The following BIRC2 variants were observed in gnomAD, a reference collection of about 807,000 sequenced individuals.
BIRC2 encodes the protein baculoviral IAP repeat containing 2.
BIRC2 carries 18 observed loss-of-function variants against 60.9 expected under a neutral mutation model. That is an observed-to-expected ratio of 0.30 (90% CI 0.20 to 0.44). BIRC2 has a LOEUF of 0.44. Ranked by LOEUF, BIRC2 falls within the 20% of genes least tolerant of loss-of-function variation. The probability of loss-of-function intolerance (pLI) is 1.00; values close to 1 mark genes in which losing one functional copy is unlikely to be tolerated. For synonymous variants in BIRC2, 282 were observed against 247.7 expected (o/e 1.14, Z -1.30); for missense variants, 701 against 728.5 (o/e 0.96, Z 0.43).
chr11:102,375,860 G>T (rs576914686), intron 6 of BIRC2, among the ~76,000 whole-genome samples: 1 of 151,570 alleles, frequency 6.6e-6, no homozygotes, highest in African/African-American at 2.4e-5. Flanking sequence ...TTTCTCATCT[G>T]TAAAATGGGG....
chr11:102,367,765 A>C (rs559242163), intron 5 of BIRC2, among the ~76,000 whole-genome samples: 1 of 152,198 alleles, frequency 6.6e-6, no homozygotes, highest in South Asian at 2.1e-4. Context: ...TTTTCACTAC[A>C]TCTTCTGGGT....
At chr11:102,350,812 G>A in intron 2 of BIRC2, 32 bp from the exon 3 acceptor site, 2 of 1,610,814 alleles carry the variant, frequency 1.2e-6, no homozygotes, top group Non-Finnish European at 1.7e-6. Context: ...GAACATACGT[G>A]TTTTCAATAT....
At chr11:102,348,094 G>A (rs1392520473) in intron 1 of BIRC2, among the ~76,000 whole-genome samples, 5 of 152,176 alleles carry the variant, frequency 3.3e-5, no homozygotes, top group African/African-American at 7.2e-5. Context: ...AAATTGTAAG[G>A]GAATGGCAGA....
chr11:102,349,667 T>C lies in BIRC2; in HGVS notation c.-188T>C. On this transcript the variant is annotated 5_prime_UTR_variant, in exon 2 of 9. Transcript: ENST00000227758. ...CAACCCCAAAGAGTTGTGTTCTAAG[T>C]AGTATCTTGGTAATTCAGAGAGATA... 1 of 594,570 alleles carries C rather than the reference T, an allele frequency of 1.7e-6. No homozygotes were observed. The highest frequency in any genetic ancestry group is 2.5e-5 in the South Asian group (1 of 39,374). 36.8% of individuals were successfully genotyped at this position (594,570 alleles called of 1,614,324 possible).
At chr11:102,374,676 T>A (rs1357086129) in intron 6 of BIRC2, among the ~76,000 whole-genome samples, 2 of 152,158 alleles carry the variant, frequency 1.3e-5, no homozygotes, top group African/African-American at 4.8e-5. Context: ...CAGGCCTCCT[T>A]GAGCTGTGGT....
Position 102,368,363 on chromosome 11 carries a change from C to G in BIRC2, c.1181C>G (p.Pro394Arg), listed in dbSNP as rs1171110903. The change falls in exon 6 of 9, where the codon CCT becomes CGT. Residue 394 changes from proline to arginine, a missense_variant. Coordinates refer to ENST00000227758, the MANE Select transcript of BIRC2 (RefSeq NM_001166.5). ...SSEDAVMMNT[P>R]VVKSALEMGF... ...GAAGATGCTGTCATGATGAATACAC[C>G]TGTGGTTAAATCTGCCTTGGAAATG... The G allele has an allele frequency of 5.6e-6, 9 of 1,613,776 alleles. No individual in the cohort carries two copies. The highest frequency in any genetic ancestry group is 1.3e-5 in the African/African-American group (1 of 74,866).
intron 3 of BIRC2, among the ~76,000 whole-genome samples, chr11:102,360,477 A>G (rs1488997277): frequency 6.7e-6 from 1 of 150,310 alleles, no homozygotes; most frequent in Non-Finnish European, 1.5e-5. Flanking sequence ...CAGCTCCCGA[A>G]TTTGTTTCTT....
rs1490500781 is a variant in BIRC2, at chr11:102,370,486, T to C, written c.1366+1938T>C. On this transcript the variant is annotated intron_variant, in intron 6 of 8. Coordinates refer to ENST00000227758, the MANE Select transcript of BIRC2 (RefSeq NM_001166.5). Reference sequence around the variant, plus strand: ...AGATCAGATAGTTATAGATACGCGGTGTTATTTCTGAGGGCTCTGTTCTGT... The same window carrying C: ...AGATCAGATAGTTATAGATACGCGGCGTTATTTCTGAGGGCTCTGTTCTGT... 3.7e-3 allele frequency among the ~76,000 whole-genome samples: 529 copies of C among 143,898 alleles called. 1 individual carries two copies. The highest frequency in any genetic ancestry group is 0.014 in the African/African-American group (495 of 36,638). The allele number at this position is 143,898 out of a possible 152,430, so 94.4% of individuals were successfully genotyped here.
chr11:102,356,101 T>C (rs996083329), intron 3 of BIRC2, among the ~76,000 whole-genome samples: 20 of 152,190 alleles, frequency 1.3e-4, no homozygotes, highest in Admixed American at 2.6e-4. Flanking sequence ...TCTTGCTTAA[T>C]TGCTCTGGCT....
intron 3 of BIRC2, among the ~76,000 whole-genome samples, chr11:102,353,926 G>C (rs767511169): frequency 6.6e-6 from 1 of 151,988 alleles, no homozygotes; most frequent in Non-Finnish European, 1.5e-5. Flanking sequence ...TGGTATGCTC[G>C]GAGGACTGGT....
At chr11:102,361,296 G>A (rs1389141825) in intron 3 of BIRC2, among the ~76,000 whole-genome samples, 3 of 152,160 alleles carry the variant, frequency 2.0e-5, no homozygotes, top group African/African-American at 7.2e-5. Context: ...TTTGAGTTGG[G>A]TGCGGAGTGC....
chr11:102,364,186 C>CAGAG lies in BIRC2; in HGVS notation c.1123+497_1123+500dup, dbSNP rs56992401. 6.6e-4 allele frequency among the ~76,000 whole-genome samples: 66 copies of CAGAG among 99,764 alleles called. 1 individual carries two copies. Among genetic ancestry groups the CAGAG allele is most frequent in the East Asian group, 1.7e-3 (5 of 2,914 alleles). The allele number at this position is 99,764 out of a possible 152,430, so 65.4% of individuals were successfully genotyped here. A position where few individuals can be genotyped will look rare whatever the true frequency, so the allele number is the denominator to read the frequency against. On this transcript the variant is annotated intron_variant, in intron 5 of 8. Coordinates refer to ENST00000227758, the MANE Select transcript of BIRC2 (RefSeq NM_001166.5). The stretch of plus-strand genomic sequence containing the variant: ...ATATATATATATATACACACACACA[C>CAGAG]AGAGAGAGAGAGAGAGAGAGAGAGA...
intron 6 of BIRC2, among the ~76,000 whole-genome samples, chr11:102,374,915 G>C (rs1238574062): frequency 6.6e-6 from 1 of 152,220 alleles, no homozygotes; most frequent in East Asian, 1.9e-4. Flanking sequence ...ATTCGGGTGG[G>C]AGTGACCCGA....
chr11:102,360,088 T>A (rs567456873), intron 3 of BIRC2, among the ~76,000 whole-genome samples: 1 of 152,162 alleles, frequency 6.6e-6, no homozygotes, highest in East Asian at 1.9e-4. Flanking sequence ...TGCCTCAGCC[T>A]CCCACGTAGC....
In BIRC2 at chr11:102,350,963, T is replaced by C. The variant is rs34098644; in HGVS notation, c.995+20T>C. Reference sequence around the variant, plus strand: ...TCCAAGGTAATTGTTTTGAAAAAGGTATTTGTACAAAAAACTCTGTGCTTA... The same window carrying C: ...TCCAAGGTAATTGTTTTGAAAAAGGCATTTGTACAAAAAACTCTGTGCTTA... On this transcript the variant is annotated intron_variant, in intron 3 of 8. Coordinates refer to ENST00000227758, the MANE Select transcript of BIRC2 (RefSeq NM_001166.5). The C allele has an allele frequency of 7.9e-5, 127 of 1,606,792 alleles. No homozygotes were observed. The African/African-American group carries it at 1.5e-3, about 19-fold the overall frequency.
At chr11:102,377,437 A>G (rs1223437443) in intron 6 of BIRC2, 59 bp from the exon 7 acceptor site, 11 of 1,471,228 alleles carry the variant, frequency 7.5e-6, no homozygotes, top group African/African-American at 2.9e-5. Context: ...TAGTGACTAT[A>G]TGAGTATAGT....
chr11:102,350,589 C>A lies in BIRC2; in HGVS notation c.735C>A (p.Pro245=), dbSNP rs754202179. 6.3e-5 allele frequency: 102 copies of A among 1,614,016 alleles called. No homozygotes were observed. The highest frequency in any genetic ancestry group is 8.5e-5 in the Non-Finnish European group (100 of 1,180,022). The stretch of plus-strand genomic sequence containing the variant: ...TGTCAGAACACCGGAGGCATTTTCC[C>A]AACTGTCCATTTTTGGAAAATTCTC... ...DAMSEHRRHF[P]NCPFLENSLE... is the part of the protein sequence containing the mutation. The change falls in exon 2 of 9, where the codon CCC becomes CCA. Residue 245 remains proline (P), a synonymous_variant. Coordinates refer to ENST00000227758, the MANE Select transcript of BIRC2 (RefSeq NM_001166.5).
chr11:102,376,830 G>A (rs796457512), intron 6 of BIRC2, among the ~76,000 whole-genome samples: 2 of 152,094 alleles, frequency 1.3e-5, no homozygotes, highest in Non-Finnish European at 2.9e-5. Context: ...GGAAGGTACC[G>A]TTATGTATAT....
At chr11:102,371,569 C>A (rs1386357299) in intron 6 of BIRC2, among the ~76,000 whole-genome samples, 2 of 147,512 alleles carry the variant, frequency 1.4e-5, no homozygotes, top group African/African-American at 5.1e-5. Flanking sequence ...TTCGTTTTGC[C>A]AGTATTTTAT....
Sources: gnomAD v4.1 joint callset for allele counts (sites outside exome capture counted in the v4.1 genomes callset) on GRCh38, gnomAD v4.1.1 for gene constraint, MANE v1.5 for transcripts, NCBI Gene and HGNC (gene_info 2026-07-23, HGNC 2026-07-21) for gene names.